The following RIC3 variants were observed in gnomAD, a reference collection of about 807,000 sequenced individuals.
RIC3 encodes protein RIC-3.
In RIC3, 28 loss-of-function variants were observed where a neutral mutation model predicts 27.3. The ratio of observed to expected loss-of-function variants is 1.02; its 90% CI spans 0.76 to 1.41. The LOEUF is 1.41. RIC3 is among the 40% of genes most tolerant of loss of function. The pLI is 0.00. For synonymous variants in RIC3, 184 were observed against 160.4 expected (o/e 1.15, Z -1.11); for missense variants, 501 against 444.7 (o/e 1.13, Z -1.14).
intron 5 of RIC3, among the ~76,000 whole-genome samples, chr11:8,123,386 CAGAA>C (rs2133559930): frequency 6.6e-6 from 1 of 151,960 alleles, no homozygotes; most frequent in East Asian, 1.9e-4. Flanking sequence ...CCAAAAGTAC[CAGAA>C]AGAAAGAAAC....
the RIC3 span, chr11:8,094,312 C>A: frequency 7.8e-7 from 1 of 1,287,192 alleles, no homozygotes; most frequent in Non-Finnish European, 1.1e-6. Flanking sequence ...AAGACACAGA[C>A]TGCCACTCTG....
At chr11:8,133,978 TTTC>T (rs1948054304) in intron 4 of RIC3, among the ~76,000 whole-genome samples, 2 of 151,424 alleles carry the variant, frequency 1.3e-5, no homozygotes, top group Admixed American at 6.6e-5. Flanking sequence ...CATCTATGGT[TTTC>T]TTTTTTTTTT....
At chr11:8,095,715 C>G in the RIC3 span, 5 of 1,531,632 alleles carry the variant, frequency 3.3e-6, no homozygotes, top group Non-Finnish European at 4.4e-6. Flanking sequence ...GTCCCAGGTT[C>G]TCAGATGCAC....
intron 1 of RIC3, among the ~76,000 whole-genome samples, chr11:8,161,266 C>T (rs1951136420): frequency 6.6e-6 from 1 of 152,216 alleles, no homozygotes; most frequent in African/African-American, 2.4e-5. Flanking sequence ...CAGTTTCTTG[C>T]ACGACTCAGC....
rs11378233 is a variant in RIC3 at position 8,118,527 on chromosome 11, TAAA to T, written c.671-7393_671-7391del. 7.2e-3 allele frequency among the ~76,000 whole-genome samples: 481 copies of T among 66,666 alleles called. 13 individuals are homozygous for T. The highest frequency in any genetic ancestry group is 0.07 in the Admixed American group (376 of 5,374). 43.7% of individuals were successfully genotyped at this position (66,666 alleles called of 152,430 possible). The stretch of plus-strand genomic sequence containing the variant: ...GCTATTGAATAGAAAGCCATAATTG[TAAA>T]AAAAAAAAAAAAAAAAAAAAAAAAA... On this transcript the variant is annotated intron_variant, in intron 5 of 5. Coordinates refer to ENST00000309737, the MANE Select transcript of RIC3 (RefSeq NM_001206671.4).
rs891312539 is a variant in RIC3, at chr11:8,108,468, G to C, written c.*2230C>G. ...AAAACATAATTACCACTTAATGAGTGGTTATCATGTATGAGCTAGAACCAA... is the reference window on the plus strand; with the variant it reads ...AAAACATAATTACCACTTAATGAGTCGTTATCATGTATGAGCTAGAACCAA... On this transcript the variant is annotated 3_prime_UTR_variant, in exon 6 of 6. Transcript: ENST00000309737. 6.6e-6 allele frequency: 1 copy of C among 152,144 alleles called. No homozygotes were observed. Among genetic ancestry groups the C allele is most frequent in the African/African-American group, 2.4e-5 (1 of 41,424 alleles). The allele number at this position is 152,144 out of a possible 1,614,324, so 9.4% of individuals were successfully genotyped here. A position where few individuals can be genotyped will look rare whatever the true frequency, so the allele number is the denominator to read the frequency against.
At chr11:8,121,764 AT>A (rs1292386488) in intron 5 of RIC3, among the ~76,000 whole-genome samples, 2 of 152,252 alleles carry the variant, frequency 1.3e-5, no homozygotes, top group African/African-American at 4.8e-5. Flanking sequence ...TGTTATAAAT[AT>A]TTTTCCAGTT....
chr11:8,154,457 TACC>T (rs1208641035), intron 1 of RIC3, among the ~76,000 whole-genome samples: 2 of 152,232 alleles, frequency 1.3e-5, no homozygotes, highest in Non-Finnish European at 1.5e-5. Context: ...TAAAAATGGT[TACC>T]ACAATTTTAA....
At position 8,126,796 on chromosome 11, in the gene RIC3, G is replaced by T. The variant is rs751585245; in HGVS notation, c.533C>A (p.Thr178Asn). The change falls in exon 5 of 6, where the codon ACT becomes AAT. Residue 178 changes from threonine to asparagine, a missense_variant. By Grantham distance (65) the Thr-to-Asn change is moderately conservative. Coordinates refer to ENST00000309737, the MANE Select transcript of RIC3 (RefSeq NM_001206671.4). The part of the protein sequence containing the change: ...VGPNGESRAQ[T>N]VTSDQEKRLL... The stretch of plus-strand genomic sequence containing the variant: ...CCGTTTCTCTTGGTCAGAAGTCACA[G>T]TCTGTGCTCTGCTTAGAAATATCAG... The T allele has an allele frequency of 6.2e-7, 1 of 1,614,100 alleles. No individual in the cohort carries two copies. The highest frequency in any genetic ancestry group is 1.1e-5 in the South Asian group (1 of 91,084).
intron 5 of RIC3, among the ~76,000 whole-genome samples, chr11:8,123,676 A>G (rs1310463951): frequency 6.6e-6 from 1 of 152,136 alleles, no homozygotes; most frequent in African/African-American, 2.4e-5. Context: ...AAGTTCACTC[A>G]AGAAGTGAAT....
intron 4 of RIC3, among the ~76,000 whole-genome samples, chr11:8,135,017 T>C (rs546253781): frequency 2.6e-5 from 4 of 152,194 alleles, no homozygotes; most frequent in South Asian, 2.1e-4. Flanking sequence ...TTTGTCAATT[T>C]TGGTTTTGTT....
At position 8,168,990 on chromosome 11, in the gene RIC3, G is replaced by A. The variant is rs6578936; in HGVS notation, c.-1C>T. 1 of 1,581,104 alleles carries A rather than the reference G, an allele frequency of 6.3e-7. No individual in the cohort carries two copies. The highest frequency in any genetic ancestry group is 8.6e-7 in the Non-Finnish European group (1 of 1,166,854). On this transcript the variant is annotated 5_prime_UTR_variant, in exon 1 of 6. Transcript: ENST00000309737. Reference sequence around the variant, plus strand: ...CTCTCTGCACTGTGGAGTACGCCATGACTGCTCACGGTGGTCGCAGGTGCA... The same window carrying A: ...CTCTCTGCACTGTGGAGTACGCCATAACTGCTCACGGTGGTCGCAGGTGCA...
At chr11:8,163,890 T>A (rs189441566) in intron 1 of RIC3, among the ~76,000 whole-genome samples, 5 of 149,320 alleles carry the variant, frequency 3.3e-5, no homozygotes, top group Non-Finnish European at 5.9e-5. Context: ...GGACCCAAAA[T>A]AGCAAAACAA....
At chr11:8,126,583 A>G in intron 5 of RIC3, 76 bp downstream of exon 5, 1 of 1,547,278 alleles carries the variant, frequency 6.5e-7, no homozygotes, top group Non-Finnish European at 8.8e-7. Flanking sequence ...TCAATAATGA[A>G]GCTGATTTTT....
chr11:8,123,034 T>C (rs1214427418), intron 5 of RIC3, among the ~76,000 whole-genome samples: 1 of 151,898 alleles, frequency 6.6e-6, no homozygotes, highest in African/African-American at 2.4e-5. Flanking sequence ...TATGAATAAA[T>C]GAGACATAAA....
intron 5 of RIC3, among the ~76,000 whole-genome samples, chr11:8,118,527 T>TAAAAAAAAAAAAAAAA (rs11378233): frequency 1.5e-5 from 1 of 66,680 alleles, no homozygotes; most frequent in Non-Finnish European, 2.8e-5. Context: ...GCCATAATTG[T>TAAAAAAAAAAAAAAAA]AAAAAAAAAA....
intron 1 of RIC3, among the ~76,000 whole-genome samples, chr11:8,157,139 G>C (rs918298649): frequency 6.6e-6 from 1 of 152,016 alleles, no homozygotes; most frequent in African/African-American, 2.4e-5. Context: ...GATCATGACG[G>C]ATCAAGACAA....
intron 2 of RIC3, chr11:8,139,749 G>A: frequency 2.5e-6 from 1 of 404,744 alleles, no homozygotes; most frequent in South Asian, 2.8e-5. Context: ...TGTTAGTTGT[G>A]AATTTTGGGG....
intron 1 of RIC3, among the ~76,000 whole-genome samples, chr11:8,152,201 G>C (rs779686933): frequency 1.3e-5 from 2 of 152,114 alleles, no homozygotes; most frequent in Non-Finnish European, 2.9e-5. Flanking sequence ...TTTCTCAAAA[G>C]GTTAAACATA....
Sources: gnomAD v4.1 joint callset for allele counts (sites outside exome capture counted in the v4.1 genomes callset) on GRCh38, gnomAD v4.1.1 for gene constraint, MANE v1.5 for transcripts, NCBI Gene and HGNC (gene_info 2026-07-23, HGNC 2026-07-21) for gene names.